The following FUT9 variants were observed in gnomAD, a reference collection of about 807,000 sequenced individuals.
FUT9 encodes the protein 4-galactosyl-N-acetylglucosaminide 3-alpha-L-fucosyltransferase 9.
Under a neutral mutation model 29.7 loss-of-function variants are expected in FUT9, and 15 were observed. That is an observed-to-expected ratio of 0.51 (90% confidence interval 0.34 to 0.78). The LOEUF is 0.78. FUT9 is among the 30% of genes least tolerant of loss of function. The probability of loss-of-function intolerance (pLI) is 0.01; values close to 1 mark genes in which losing one functional copy is unlikely to be tolerated. For synonymous variants in FUT9, 169 were observed against 153.7 expected, an observed-to-expected ratio of 1.10 and a Z score of -0.74; for missense variants, 319 against 425.4, an observed-to-expected ratio of 0.75 and a Z score of 2.20.
At chr6:96,158,913 A>G (rs1772842716) in intron 2 of FUT9, among the ~76,000 whole-genome samples, 2 of 152,050 alleles carry the variant, frequency 1.3e-5, no homozygotes, top group African/African-American at 4.8e-5. Flanking sequence ...ATTGATGTTG[A>G]TCAATGTAAA....
chr6:96,074,893 C>T (rs1471990081), intron 1 of FUT9, among the ~76,000 whole-genome samples: 1 of 152,036 alleles, frequency 6.6e-6, no homozygotes, highest in Non-Finnish European at 1.5e-5. Context: ...CTTTCTGCCT[C>T]AGCCTCCTGA....
intron 1 of FUT9, among the ~76,000 whole-genome samples, chr6:96,044,075 T>C (rs1770515844): frequency 6.6e-6 from 1 of 152,222 alleles, no homozygotes; most frequent in Non-Finnish European, 1.5e-5. Context: ...GGGTAAGTGG[T>C]TGCGAGTGAG....
At chr6:96,153,104 C>A (rs1254505196) in intron 2 of FUT9, among the ~76,000 whole-genome samples, 5 of 151,928 alleles carry the variant, frequency 3.3e-5, no homozygotes, top group Non-Finnish European at 7.4e-5. Context: ...TTCCATTTCT[C>A]CTGCTTAATA....
chr6:96,168,532 G>A (rs1482483565), intron 2 of FUT9, among the ~76,000 whole-genome samples: 1 of 152,180 alleles, frequency 6.6e-6, no homozygotes. Context: ...GTAAGTAAAG[G>A]AAGAGTGAAT....
At chr6:96,202,569 TATCAA>T (rs1471521530) in intron 2 of FUT9, among the ~76,000 whole-genome samples, 1 of 152,188 alleles carries the variant, frequency 6.6e-6, no homozygotes, top group Non-Finnish European at 1.5e-5. Flanking sequence ...TTTAAAAATG[TATCAA>T]ATCAAGAGTT....
At chr6:96,071,885 T>C (rs960156416) in intron 1 of FUT9, among the ~76,000 whole-genome samples, 6 of 152,174 alleles carry the variant, frequency 3.9e-5, no homozygotes, top group Non-Finnish European at 1.5e-5. Flanking sequence ...TGCTCTCATC[T>C]CAGCTTCCCA....
chr6:96,187,094 A>G (rs5009881), intron 2 of FUT9, among the ~76,000 whole-genome samples: 138,750 of 151,804 alleles, frequency 0.91, 64,703 homozygotes, highest in Non-Finnish European at 1. Flanking sequence ...TTACCAGCCA[A>G]GCCTAATGTT....
chr6:96,129,410 T>C (rs982500154), intron 2 of FUT9, among the ~76,000 whole-genome samples: 16 of 151,880 alleles, frequency 1.1e-4, no homozygotes. Context: ...AAGTTGCAAT[T>C]GTGCCACTGC....
chr6:96,195,157 A>G (rs1276082546), intron 2 of FUT9, among the ~76,000 whole-genome samples: 2 of 152,200 alleles, frequency 1.3e-5, no homozygotes, highest in Non-Finnish European at 2.9e-5. Flanking sequence ...CTCTCTTGCC[A>G]GTAGAAACAA....
chr6:96,067,495 T>C (rs1004554832), intron 1 of FUT9, among the ~76,000 whole-genome samples: 1 of 152,092 alleles, frequency 6.6e-6, no homozygotes, highest in African/African-American at 2.4e-5. Context: ...AAGCATAAAA[T>C]ATTGGAAGTG....
intron 1 of FUT9, among the ~76,000 whole-genome samples, chr6:96,032,732 T>C (rs1024502517): frequency 1.3e-5 from 2 of 151,616 alleles, no homozygotes; most frequent in Admixed American, 1.3e-4. Context: ...AACCAGGTTA[T>C]GTAAACTGGG....
chr6:96,103,032 C>CAG (rs1771614801), intron 1 of FUT9, among the ~76,000 whole-genome samples: 1 of 152,032 alleles, frequency 6.6e-6, no homozygotes, highest in Admixed American at 6.6e-5. Flanking sequence ...TGGTCTTGGG[C>CAG]TATGGGAAAA....
intron 2 of FUT9, among the ~76,000 whole-genome samples, chr6:96,131,467 C>A (rs1156867321): frequency 6.6e-6 from 1 of 152,142 alleles, no homozygotes; most frequent in Non-Finnish European, 1.5e-5. Context: ...CACGAACACA[C>A]ACACCTTTGT....
At chr6:96,144,000 A>G (rs1297243258) in intron 2 of FUT9, among the ~76,000 whole-genome samples, 2 of 152,140 alleles carry the variant, frequency 1.3e-5, no homozygotes, top group Non-Finnish European at 2.9e-5. Flanking sequence ...TTCCCAGATA[A>G]AATAGTGAAC....
chr6:96,053,122 A>T (rs1001403663), intron 1 of FUT9, among the ~76,000 whole-genome samples: 1 of 152,168 alleles, frequency 6.6e-6, no homozygotes, highest in African/African-American at 2.4e-5. Flanking sequence ...ACTGAGAAAG[A>T]TGTCAAAATA....
intron 1 of FUT9, among the ~76,000 whole-genome samples, chr6:96,017,849 C>A (rs1340326246): frequency 6.6e-6 from 1 of 152,116 alleles, no homozygotes; most frequent in Admixed American, 6.6e-5. Flanking sequence ...CTTAAAGGAG[C>A]AAGTCTCAGG....
chr6:96,115,666 G>A (rs1771897255), intron 2 of FUT9, among the ~76,000 whole-genome samples: 2 of 152,126 alleles, frequency 1.3e-5, no homozygotes, highest in Non-Finnish European at 2.9e-5. Flanking sequence ...TAATGCTTCG[G>A]TTCTGCTACC....
intron 1 of FUT9, among the ~76,000 whole-genome samples, chr6:96,037,723 T>C (rs1184048016): frequency 6.6e-6 from 1 of 152,148 alleles, no homozygotes; most frequent in Non-Finnish European, 1.5e-5. Flanking sequence ...AAGACCCTTT[T>C]TATCTTCTCT....
chr6:96,019,169 G>A lies in FUT9; in HGVS notation c.-98+2957G>A, dbSNP rs572391164. 1.6e-4 allele frequency among the ~76,000 whole-genome samples: 25 copies of A among 151,560 alleles called. 1 individual carries two copies. The South Asian group carries it at 5.0e-3, about 30-fold the overall frequency. The stretch of plus-strand genomic sequence containing the variant: ...ATGAATTGAACTAAATAAAATTCTA[G>A]ACAAATTTACAAAAATACCTTAAAA... On this transcript the variant is annotated intron_variant, in intron 1 of 2. Coordinates refer to ENST00000302103, the MANE Select transcript of FUT9 (RefSeq NM_006581.4).
Sources: allele counts gnomAD v4.1 joint callset (sites outside exome capture counted in the v4.1 genomes callset), GRCh38; gene constraint gnomAD v4.1.1; transcripts MANE v1.5; gene names NCBI Gene and HGNC (gene_info 2026-07-23, HGNC 2026-07-21).